The following WDR11 variants were observed in gnomAD, a reference collection of about 807,000 sequenced individuals.
The protein encoded by WDR11 is WD repeat-containing protein 11.
WDR11 carries 83 observed loss-of-function variants against 151.2 expected under a neutral mutation model. That is an observed-to-expected ratio of 0.55 (90% CI 0.46 to 0.66). WDR11 has a LOEUF of 0.66. Ranked by LOEUF, WDR11 falls within the 30% of genes least tolerant of loss-of-function variation. The probability of loss-of-function intolerance (pLI) is 0.00; values close to 1 mark genes in which losing one functional copy is unlikely to be tolerated. For missense variants in WDR11, 1,301 were observed against 1,480.9 expected, an observed-to-expected ratio of 0.88 and a Z score of 1.99; for synonymous variants, 484 against 533.1, an observed-to-expected ratio of 0.91 and a Z score of 1.27.
intron 19 of WDR11, 30 bp downstream of exon 19, chr10:120,890,917 A>G: frequency 6.2e-7 from 1 of 1,611,952 alleles, no homozygotes; most frequent in Non-Finnish European, 8.5e-7. Context: ...GGGGGCTTTG[A>G]AACCTGTCTT....
intron 7 of WDR11, 28 bp from the exon 8 acceptor site, chr10:120,866,541 C>T (rs780214514): frequency 2.3e-5 from 37 of 1,613,412 alleles, no homozygotes; most frequent in Middle Eastern, 1.6e-4. Flanking sequence ...TGGCTGCTTT[C>T]TGATATTTAA....
At position 120,865,637 on chromosome 10, in the gene WDR11, C is replaced by A; in HGVS notation, c.887C>A (p.Pro296His). 1.2e-6 allele frequency: 2 copies of A among 1,605,422 alleles called. No homozygotes were observed. Among genetic ancestry groups the A allele is most frequent in the South Asian group, 2.2e-5 (2 of 90,518 alleles). The stretch of plus-strand genomic sequence containing the variant: ...TATATCATCTATTTAAAGGTAATAC[C>A]CTGCTTTCAGCGTGATGGTTTATTT... ...RTGVPFLQVI[P>H]CFQRDGLFCL... The change falls in exon 7 of 29, where the codon CCC becomes CAC. Residue 296 changes from proline to histidine, a missense_variant. Around this residue, in one of 3 missense-constraint regions of WDR11, gnomAD observed 692 missense variants for 762.5 expected, o/e 0.91. Coordinates refer to ENST00000263461, the MANE Select transcript of WDR11 (RefSeq NM_018117.12).
At chr10:120,894,328 A>C (rs1847530771) in intron 19 of WDR11, among the ~76,000 whole-genome samples, 1 of 152,178 alleles carries the variant, frequency 6.6e-6, no homozygotes, top group Non-Finnish European at 1.5e-5. Flanking sequence ...CTGAAATCAG[A>C]TTTCTGCACA....
At chr10:120,902,978 G>C in intron 22 of WDR11, 77 bp from the exon 23 acceptor site, 1 of 1,460,690 alleles carries the variant, frequency 6.8e-7, no homozygotes. Context: ...CTCCCTTCCA[G>C]TCCCTCAGTC....
At chr10:120,894,997 GA>G (rs1847556634) in intron 19 of WDR11, among the ~76,000 whole-genome samples, 1 of 152,070 alleles carries the variant, frequency 6.6e-6, no homozygotes, top group Non-Finnish European at 1.5e-5. Context: ...TTTGCTTTTG[GA>G]GAAATAACAT....
chr10:120,851,594 T>A, intron 1 of WDR11, 88 bp downstream of exon 1: 5 of 1,513,162 alleles, frequency 3.3e-6, no homozygotes, highest in Non-Finnish European at 4.5e-6. Flanking sequence ...ACCCCCTGGT[T>A]AGTTTGGCCT....
chr10:120,851,472 G>A lies in WDR11; in HGVS notation c.52G>A (p.Ala18Thr). The A allele has an allele frequency of 6.2e-7, 1 of 1,611,812 alleles. No individual in the cohort carries two copies. Residue 18 changes from alanine to threonine, a missense_variant, in exon 1 of 29, where the codon GCC becomes ACC. Coordinates refer to ENST00000263461, the MANE Select transcript of WDR11 (RefSeq NM_018117.12). The stretch of plus-strand genomic sequence containing the variant: ...GGTGTCGGCGCGCACCCTCACGGGG[G>A]CCCTCAACGCCCACAACAAGGCGGC... ...FKVSARTLTG[A>T]LNAHNKAAVD...
At chr10:120,886,535 C>T (rs1320834220) in intron 15 of WDR11, among the ~76,000 whole-genome samples, 154 bp from the exon 16 acceptor site, 1 of 152,060 alleles carries the variant, frequency 6.6e-6, no homozygotes, top group African/African-American at 2.4e-5. Flanking sequence ...CATGTTTACC[C>T]ATAATTAGCT....
At chr10:120,884,527 T>C (rs982809586) in intron 14 of WDR11, among the ~76,000 whole-genome samples, 1 of 150,854 alleles carries the variant, frequency 6.6e-6, no homozygotes, top group Non-Finnish European at 1.5e-5. Context: ...TGTAAAGCTA[T>C]AAAATTGAAT....
intron 2 of WDR11, among the ~76,000 whole-genome samples, chr10:120,855,132 C>T (rs1845903566): frequency 6.6e-6 from 1 of 151,452 alleles, no homozygotes; most frequent in South Asian, 2.1e-4. Context: ...ACAATTATAA[C>T]AATACATCAG....
intron 11 of WDR11, among the ~76,000 whole-genome samples, chr10:120,876,970 G>A (rs1287952579): frequency 6.6e-6 from 1 of 152,204 alleles, no homozygotes; most frequent in Non-Finnish European, 1.5e-5. Context: ...ACATAGGTTA[G>A]TAGGAATCAT....
In WDR11 at chr10:120,905,414, A is replaced by C; in HGVS notation, c.3289A>C (p.Lys1097Gln). ...GEWNRAAWLAKVRLNPEECAD... is the reference protein window; with the variant it reads ...GEWNRAAWLAQVRLNPEECAD... Reference sequence around the variant, plus strand: ...GTGGAATCGGGCTGCATGGCTGGCAAAAGTAGGTGGTTCCAAGTTTCAATA... The same window carrying C: ...GTGGAATCGGGCTGCATGGCTGGCACAAGTAGGTGGTTCCAAGTTTCAATA... Residue 1097 changes from lysine to glutamine, a missense_variant and splice_region_variant, in exon 26 of 29, where the codon AAA becomes CAA. Coordinates refer to ENST00000263461, the MANE Select transcript of WDR11 (RefSeq NM_018117.12). 6.2e-7 allele frequency: 1 copy of C among 1,614,162 alleles called. No homozygotes were observed. The highest frequency in any genetic ancestry group is 2.2e-5 in the East Asian group (1 of 44,868).
intron 5 of WDR11, among the ~76,000 whole-genome samples, chr10:120,863,436 C>T (rs1206005432): frequency 6.6e-6 from 1 of 152,106 alleles, no homozygotes; most frequent in African/African-American, 2.4e-5. Context: ...TTCTCTCTCC[C>T]AGTCTCTAAA....
At chr10:120,905,168 A>G in intron 25 of WDR11, 151 bp from the exon 26 acceptor site, 1 of 787,178 alleles carries the variant, frequency 1.3e-6, no homozygotes, top group Non-Finnish European at 2.1e-6. Context: ...TAAAACTCTT[A>G]ATATTATGTT....
intron 10 of WDR11, among the ~76,000 whole-genome samples, chr10:120,873,406 AAAC>A (rs1248268103): frequency 6.6e-6 from 1 of 152,208 alleles, no homozygotes; most frequent in African/African-American, 2.4e-5. Flanking sequence ...AAAAGAGACA[AAAC>A]AAAAAGAAAA....
In WDR11 at chr10:120,874,226, TG is replaced by T. The variant is rs200395300; in HGVS notation, c.1556+304del. 5.4e-3 allele frequency among the ~76,000 whole-genome samples: 751 copies of T among 139,138 alleles called. 11 individuals are homozygous for T. Among genetic ancestry groups the T allele is most frequent in the African/African-American group, 0.012 (454 of 37,516 alleles). The allele number at this position is 139,138 out of a possible 152,430, so 91.3% of individuals were successfully genotyped here. A position where few individuals can be genotyped will look rare whatever the true frequency, so the allele number is the denominator to read the frequency against. On this transcript the variant is annotated intron_variant, in intron 11 of 28. Coordinates refer to ENST00000263461, the MANE Select transcript of WDR11 (RefSeq NM_018117.12). ...TGTTGTTGTTTGTTTTGTTTTGTTT[TG>T]TTTTTTTTAAATGGCAAAAAACACA...
At chr10:120,904,248 ATGTACCTCCTTCCC>A in intron 24 of WDR11, 106 bp downstream of exon 24, 1 of 889,128 alleles carries the variant, frequency 1.1e-6, no homozygotes, top group East Asian at 2.6e-5. Flanking sequence ...TTCCCCTTGT[ATGTACCTCCTTCCC>A]TGTAGACAGT....
chr10:120,866,429 G>A, intron 7 of WDR11, 140 bp from the exon 8 acceptor site: 1 of 905,396 alleles, frequency 1.1e-6, no homozygotes, highest in Non-Finnish European at 1.7e-6. Context: ...AGTAGTAATT[G>A]TAAAAAGTGA....
intron 2 of WDR11, among the ~76,000 whole-genome samples, chr10:120,854,066 A>G (rs188605016): frequency 6.6e-6 from 1 of 152,178 alleles, no homozygotes; most frequent in Admixed American, 6.5e-5. Flanking sequence ...AAATGTACTG[A>G]CTTAAAATGC....
Sources: gnomAD v4.1 joint callset for allele counts (sites outside exome capture counted in the v4.1 genomes callset) on GRCh38, gnomAD v4.1.1 for gene constraint, gnomAD v4.1.1 regional missense constraint, MANE v1.5 for transcripts, NCBI Gene and HGNC (gene_info 2026-07-23, HGNC 2026-07-21) for gene names.